FTO: variants seen among roughly 807,000 people sequenced by gnomAD.
FTO encodes FTO alpha-ketoglutarate dependent dioxygenase.
In FTO, 47 loss-of-function variants were observed where a neutral mutation model predicts 63.9. That is an observed-to-expected ratio of 0.74 (90% confidence interval 0.58 to 0.94). The LOEUF (loss-of-function observed/expected upper bound fraction) is 0.94, where lower values mean the gene tolerates loss of function less well. FTO is among the 40% of genes least tolerant of loss of function. The probability of loss-of-function intolerance (pLI) is 0.00; values close to 1 mark genes in which losing one functional copy is unlikely to be tolerated. For missense variants in FTO, 562 were observed against 618.1 expected (o/e 0.91, Z 0.96); for synonymous variants, 207 against 224.4 (o/e 0.92, Z 0.69).
Position 53,879,878 on chromosome 16 carries a change from G to A in FTO, c.1010G>A (p.Arg337His), listed in dbSNP as rs761330347. The change falls in exon 6 of 9, where the codon CGC becomes CAC. Residue 337 changes from arginine to histidine, a missense_variant. Transcript: ENST00000471389. ...GGAACCTTGGATTATATTTTACAAC[G>A]CTGTCAGTTGGCTCTGCAGAATGTC... ...STGTLDYILQ[R>H]CQLALQNVCD... The A allele has an allele frequency of 1.2e-6, 2 of 1,613,794 alleles. No individual in the cohort carries two copies. The highest frequency in any genetic ancestry group is 1.1e-5 in the South Asian group (1 of 91,072).
intron 8 of FTO, among the ~76,000 whole-genome samples, chr16:53,998,118 C>G (rs182789476): frequency 1.3e-5 from 2 of 152,108 alleles, no homozygotes; most frequent in African/African-American, 4.8e-5. Flanking sequence ...AAAACTTGAC[C>G]GAGAAGGGAA....
chr16:54,046,056 G>C (rs1260656688), intron 8 of FTO, among the ~76,000 whole-genome samples: 7 of 82,576 alleles, frequency 8.5e-5, no homozygotes, highest in Non-Finnish European at 1.4e-4. Context: ...GCACAAGACA[G>C]GGATGCCCTC....
At chr16:53,704,270 T>G in intron 1 of FTO, 41 bp downstream of exon 1, 1 of 1,545,754 alleles carries the variant, frequency 6.5e-7, no homozygotes, top group Non-Finnish European at 8.8e-7. Context: ...TCGTGCGCTG[T>G]GAGCAAGGAT....
At chr16:53,716,680 C>T (rs1452882591) in intron 1 of FTO, among the ~76,000 whole-genome samples, 2 of 151,808 alleles carry the variant, frequency 1.3e-5, no homozygotes, top group African/African-American at 4.8e-5. Flanking sequence ...TAGAACCACA[C>T]TGTATATATA....
chr16:53,737,062 T>C (rs1290747591), intron 1 of FTO, among the ~76,000 whole-genome samples: 2 of 152,324 alleles, frequency 1.3e-5, no homozygotes, highest in East Asian at 3.9e-4. Flanking sequence ...TCTTTGATGG[T>C]GAGTCCTTGG....
chr16:53,849,513 T>C (rs1182049023), intron 4 of FTO, among the ~76,000 whole-genome samples: 1 of 152,240 alleles, frequency 6.6e-6, no homozygotes, highest in Non-Finnish European at 1.5e-5. Flanking sequence ...GTTTTACCAA[T>C]GGATTCTTGA....
chr16:53,812,302 T>C (rs1307718569), intron 2 of FTO, among the ~76,000 whole-genome samples: 1 of 151,380 alleles, frequency 6.6e-6, no homozygotes, highest in Non-Finnish European at 1.5e-5. Flanking sequence ...AGAGTCTAGC[T>C]GTGTTGTGTG....
At chr16:54,052,883 G>A (rs369491832) in intron 8 of FTO, among the ~76,000 whole-genome samples, 1 of 152,044 alleles carries the variant, frequency 6.6e-6, no homozygotes, top group South Asian at 2.1e-4. Flanking sequence ...TATTTTTTTA[G>A]TAGAGACAGG....
Position 53,930,221 on chromosome 16 carries a change from C to CTTTTTTTT in FTO, c.1240-3745_1240-3738dup, listed in dbSNP as rs1014205147. ...TTATATTTACTTTTATGATTATCTTCTTTTTTTTTTTTTTTTTTTTTTTTT... is the reference window on the plus strand; with the variant it reads ...TTATATTTACTTTTATGATTATCTTCTTTTTTTTTTTTTTTTTTTTTTTTTTTTTTTTT... On this transcript the variant is annotated intron_variant, in intron 7 of 8. Coordinates refer to ENST00000471389, the MANE Select transcript of FTO (RefSeq NM_001080432.3). 1.2e-4 allele frequency among the ~76,000 whole-genome samples: 9 copies of CTTTTTTTT among 75,704 alleles called. 1 individual carries two copies. The highest frequency in any genetic ancestry group is 9.1e-3 in the Middle Eastern group (1 of 110). The allele number at this position is 75,704 out of a possible 152,430, so 49.7% of individuals were successfully genotyped here. A position where few individuals can be genotyped will look rare whatever the true frequency, so the allele number is the denominator to read the frequency against.
At chr16:53,826,548 TTA>T in intron 3 of FTO, 57 bp downstream of exon 3, 2 of 1,566,654 alleles carry the variant, frequency 1.3e-6, no homozygotes, top group Non-Finnish European at 1.8e-6. Flanking sequence ...CCCGAGTTGT[TTA>T]GGCTCTGGAG....
intron 8 of FTO, among the ~76,000 whole-genome samples, chr16:54,007,246 TG>T (rs1424768685): frequency 1.3e-5 from 2 of 152,156 alleles, no homozygotes; most frequent in Non-Finnish European, 1.5e-5. Flanking sequence ...GCATGGCACA[TG>T]TATACATATG....
chr16:54,057,906 G>T (rs1190115006), intron 8 of FTO, among the ~76,000 whole-genome samples: 1 of 151,974 alleles, frequency 6.6e-6, no homozygotes, highest in Non-Finnish European at 1.5e-5. Context: ...ATATGTTGCT[G>T]GTGAGCAGTA....
rs112140226 is a variant in FTO, at chr16:53,973,922, C to A, written c.1364+39813C>A. ...TAGGTAGTAAACTGCAGAGCATATA[C>A]CTCATTTAAAAGGGGCGAATGATAA... On this transcript the variant is annotated intron_variant, in intron 8 of 8. Coordinates refer to ENST00000471389, the MANE Select transcript of FTO (RefSeq NM_001080432.3). 6.1e-3 allele frequency among the ~76,000 whole-genome samples: 924 copies of A among 152,206 alleles called. 3 individuals are homozygous for A. Among genetic ancestry groups the A allele is most frequent in the Admixed American group, 9.9e-3 (151 of 15,274 alleles).
intron 1 of FTO, among the ~76,000 whole-genome samples, chr16:53,782,682 A>T (rs911641218): frequency 2.0e-5 from 3 of 152,232 alleles, no homozygotes; most frequent in African/African-American, 7.2e-5. Flanking sequence ...CAGGCTGTAC[A>T]AATCAGGTGA....
intron 1 of FTO, 43 bp downstream of exon 1, chr16:53,704,272 A>G: frequency 6.5e-7 from 1 of 1,544,146 alleles, no homozygotes; most frequent in Non-Finnish European, 8.8e-7. Flanking sequence ...GTGCGCTGTG[A>G]GCAAGGATCA....
intron 8 of FTO, among the ~76,000 whole-genome samples, chr16:54,030,038 T>G (rs1309948098): frequency 1.3e-5 from 2 of 152,198 alleles, no homozygotes; most frequent in African/African-American, 4.8e-5. Context: ...GCCCTGTGTA[T>G]GGATGGTAAC....
chr16:54,058,231 C>A (rs1228109632), intron 8 of FTO, among the ~76,000 whole-genome samples: 1 of 152,092 alleles, frequency 6.6e-6, no homozygotes, highest in Non-Finnish European at 1.5e-5. Context: ...CCTGCCTCAG[C>A]CTCCCAAGTA....
intron 1 of FTO, among the ~76,000 whole-genome samples, chr16:53,783,819 T>A (rs544406799): frequency 6.6e-6 from 1 of 151,878 alleles, no homozygotes; most frequent in Non-Finnish European, 1.5e-5. Context: ...GAATGCATGC[T>A]CCATTATATC....
intron 8 of FTO, among the ~76,000 whole-genome samples, chr16:54,018,470 G>A (rs2098402): frequency 0.52 from 78,125 of 151,684 alleles, 22,302 homozygotes; most frequent in African/African-American, 0.76. Flanking sequence ...GTGTTTGTGT[G>A]TGTGTATGTG....
Sources: allele counts gnomAD v4.1 joint callset (sites outside exome capture counted in the v4.1 genomes callset), GRCh38; gene constraint gnomAD v4.1.1; transcripts MANE v1.5; gene names NCBI Gene and HGNC (gene_info 2026-07-23, HGNC 2026-07-21).